The following RYR2 variants were observed in gnomAD, a reference collection of about 807,000 sequenced individuals.
RYR2 encodes the protein cardiac muscle ryanodine receptor-calcium release channel.
RYR2 carries 227 observed loss-of-function variants against 601.1 expected under a neutral mutation model. That is an observed-to-expected ratio of 0.38 (90% CI 0.34 to 0.42). RYR2 has a LOEUF of 0.42. Ranked by LOEUF, RYR2 falls within the 10% of genes least tolerant of loss-of-function variation. RYR2 has a pLI of 1.00. For missense variants in RYR2, 4,646 were observed against 6,156.5 expected (o/e 0.75, Z 8.21); for synonymous variants, 2,223 against 2,175.1 (o/e 1.02, Z -0.61).
intron 63 of RYR2, among the ~76,000 whole-genome samples, chr1:237,693,702 G>C (rs1371968848): frequency 6.6e-6 from 1 of 152,032 alleles, no homozygotes; most frequent in Non-Finnish European, 1.5e-5. Flanking sequence ...TTTTTTTCTA[G>C]GTGAGTATGC....
chr1:237,828,580 T>C, intron 102 of RYR2, 135 bp downstream of exon 102: 2 of 595,440 alleles, frequency 3.4e-6, no homozygotes, highest in Non-Finnish European at 5.9e-6. Flanking sequence ...CTGGCGTGTT[T>C]TCCATTCAAG....
intron 2 of RYR2, among the ~76,000 whole-genome samples, chr1:237,273,827 A>G (rs1338243289): frequency 6.0e-5 from 9 of 149,504 alleles, no homozygotes; most frequent in Non-Finnish European, 1.3e-4. Flanking sequence ...TTCCTAAACA[A>G]AAGAGATATA....
rs764884250 is a variant in RYR2, at chr1:237,784,907, A to G, written c.13195A>G (p.Asn4399Asp). ...GQYKLIPHNP[N>D]AGLSDLMSNP... ...GTACAAACTGATTCCTCATAATCCA[A>G]ATGCTGGGCTCAGTGACCTCATGAG... is the stretch of plus-strand genomic sequence containing the variant. The change falls in exon 90 of 105, where the codon AAT (asparagine) becomes GAT (aspartate). Residue 4399 changes from asparagine (N) to aspartate (D), a missense_variant. Asn to Asp is a conservative substitution (Grantham distance 23). Coordinates refer to ENST00000366574, the MANE Select transcript of RYR2 (RefSeq NM_001035.3). This position sits in a 1 kb window ranked among gnomAD's most constrained non-coding sequence, Gnocchi z 7.1. 7 of 1,611,234 alleles carry G rather than the reference A, an allele frequency of 4.3e-6. No individual in the cohort carries two copies. In the African/African-American group the frequency reaches 8.0e-5, roughly 18 times the overall value.
At chr1:237,522,391 A>C (rs1667178150) in intron 24 of RYR2, among the ~76,000 whole-genome samples, 1 of 152,246 alleles carries the variant, frequency 6.6e-6, no homozygotes, top group African/African-American at 2.4e-5. Flanking sequence ...CCTAGGCCGC[A>C]TGTAGCCCGC....
In RYR2 at chr1:237,102,740, C is replaced by T. The variant is rs573511352; in HGVS notation, c.48+60171C>T. Among the ~76,000 whole-genome samples the T allele has an allele frequency of 3.9e-5, 6 of 151,958 alleles. 1 individual carries two copies. The South Asian group carries it at 8.3e-4, about 21-fold the overall frequency. Reference sequence around the variant, plus strand: ...GCATGGTGGTGTGCACTTGTAATCCCGCTACTCGGGAGGCTGAGGCAGGAG... The same window carrying T: ...GCATGGTGGTGTGCACTTGTAATCCTGCTACTCGGGAGGCTGAGGCAGGAG... On this transcript the variant is annotated intron_variant, in intron 1 of 104. Transcript: ENST00000366574.
intron 6 of RYR2, among the ~76,000 whole-genome samples, chr1:237,373,077 A>G (rs1700765137): frequency 6.6e-6 from 1 of 152,212 alleles, no homozygotes; most frequent in Admixed American, 6.5e-5. Context: ...GAATCACTTC[A>G]TGTTTGTCTG....
At chr1:237,505,507 A>C (rs1665128283) in intron 22 of RYR2, among the ~76,000 whole-genome samples, 1 of 152,236 alleles carries the variant, frequency 6.6e-6, no homozygotes, top group Non-Finnish European at 1.5e-5. Context: ...TTGTTAAAAT[A>C]AACATGCAAA....
chr1:237,702,245 T>C (rs908930669), intron 66 of RYR2, among the ~76,000 whole-genome samples, 186 bp downstream of exon 66: 42 of 152,254 alleles, frequency 2.8e-4, no homozygotes, highest in African/African-American at 9.9e-4. Flanking sequence ...TAAAGGACAA[T>C]GGAGTTATGC....
chr1:237,592,185 A>G (rs1016385871), intron 32 of RYR2, among the ~76,000 whole-genome samples: 1 of 152,234 alleles, frequency 6.6e-6, no homozygotes, highest in Non-Finnish European at 1.5e-5. Context: ...AAGATCAATC[A>G]TCATAATTTG....
At chr1:237,594,888 T>TTTTTTTGTTTTG (rs1390198519) in intron 33 of RYR2, among the ~76,000 whole-genome samples, 1 of 11,842 alleles carries the variant, frequency 8.4e-5, no homozygotes, top group Non-Finnish European at 3.6e-4. Context: ...ATCACTGGGT[T>TTTTTTTGTTTTG]TTTTTTTTTT....
At chr1:237,585,491 G>A (rs984479205) in intron 29 of RYR2, among the ~76,000 whole-genome samples, 1 of 152,120 alleles carries the variant, frequency 6.6e-6, no homozygotes, top group Non-Finnish European at 1.5e-5. Context: ...AGGTGACGGA[G>A]GCCTGGCCCT....
At chr1:237,382,538 C>G (rs888052166) in intron 8 of RYR2, among the ~76,000 whole-genome samples, 1 of 133,626 alleles carries the variant, frequency 7.5e-6, no homozygotes, top group Admixed American at 7.8e-5. Context: ...CCCCCCACCC[C>G]ACAACAGGCC....
chr1:237,474,197 A>ATG (rs1558879895), intron 17 of RYR2, among the ~76,000 whole-genome samples: 2 of 110,036 alleles, frequency 1.8e-5, no homozygotes, highest in Non-Finnish European at 4.3e-5. Flanking sequence ...GTACGTGTGT[A>ATG]TATATGTGTG....
Position 237,200,206 on chromosome 1 carries a change from G to A in RYR2, c.49-70291G>A, listed in dbSNP as rs1381240182. 3.3e-5 allele frequency among the ~76,000 whole-genome samples: 5 copies of A among 152,016 alleles called. No homozygotes were observed. The East Asian group carries it at 9.6e-4, about 29-fold the overall frequency. On this transcript the variant is annotated intron_variant, in intron 1 of 104. Coordinates refer to ENST00000366574, the MANE Select transcript of RYR2 (RefSeq NM_001035.3). ...CTATGCTGCCTCTTTATTTTTAATA[G>A]CCTCAGTTTTATTGTTTACCATCTG... is the stretch of plus-strand genomic sequence containing the variant.
At chr1:237,475,677 T>C (rs1661323823) in intron 17 of RYR2, among the ~76,000 whole-genome samples, 1 of 152,176 alleles carries the variant, frequency 6.6e-6, no homozygotes, top group African/African-American at 2.4e-5. Context: ...GGTGTGATGT[T>C]ATGATGTATG....
chr1:237,156,910 A>G (rs1675405516), intron 1 of RYR2, among the ~76,000 whole-genome samples: 1 of 152,222 alleles, frequency 6.6e-6, no homozygotes, highest in South Asian at 2.1e-4. Flanking sequence ...GAGGCAGAGA[A>G]AGGGGAATGC....
chr1:237,706,813 G>C (rs1363584672), intron 67 of RYR2, 136 bp from the exon 68 acceptor site: 4 of 693,720 alleles, frequency 5.8e-6, no homozygotes, highest in Admixed American at 2.3e-5. Flanking sequence ...TGAAACACAG[G>C]AGAAGGAGCC....
Position 237,497,453 on chromosome 1 carries a change from G to A in RYR2, c.2203+701G>A, listed in dbSNP as rs558672424. On this transcript the variant is annotated intron_variant, in intron 20 of 104. Coordinates refer to ENST00000366574, the MANE Select transcript of RYR2 (RefSeq NM_001035.3). ...TTGGTTAGCTCCATTTAAAAGCTTA[G>A]CTCTTGATTATGTAGATTTTTTAGA... Among the ~76,000 whole-genome samples, 5 of 152,278 alleles carry A rather than the reference G, an allele frequency of 3.3e-5. No individual in the cohort carries two copies. In the South Asian group the frequency reaches 1.0e-3, roughly 32 times the overall value.
intron 13 of RYR2, among the ~76,000 whole-genome samples, chr1:237,443,022 T>G (rs1414185329): frequency 6.6e-6 from 1 of 152,240 alleles, no homozygotes; most frequent in African/African-American, 2.4e-5. Flanking sequence ...CCTGTTTTCG[T>G]GCCATTTTAG....
Sources: allele counts gnomAD v4.1 joint callset (sites outside exome capture counted in the v4.1 genomes callset), GRCh38; gene constraint gnomAD v4.1.1; non-coding constraint Gnocchi (gnomAD v3.1); transcripts MANE v1.5; gene names NCBI Gene and HGNC (gene_info 2026-07-23, HGNC 2026-07-21).